The following FAM184A variants were observed in gnomAD, a reference collection of about 807,000 sequenced individuals.
FAM184A encodes the protein protein FAM184A.
In FAM184A, 99 loss-of-function variants were observed where a neutral mutation model predicts 143.8. The ratio of observed to expected loss-of-function variants is 0.69; its 90% CI spans 0.58 to 0.81. The LOEUF is 0.81. Among genes scored for constraint, FAM184A ranks in the 40% least tolerant of loss-of-function variants. The probability of loss-of-function intolerance (pLI) is 0.00; values close to 1 mark genes in which losing one functional copy is unlikely to be tolerated. For missense variants in FAM184A, 1,217 were observed against 1,310.5 expected, an observed-to-expected ratio of 0.93 and a Z score of 1.10; for synonymous variants, 427 against 446.4, an observed-to-expected ratio of 0.96 and a Z score of 0.55.
At chr6:119,013,289 G>C (rs1228581320) in intron 5 of FAM184A, among the ~76,000 whole-genome samples, 1 of 151,948 alleles carries the variant, frequency 6.6e-6, no homozygotes, top group Non-Finnish European at 1.5e-5. Context: ...ATAATGAGGA[G>C]TAAAGTAATG....
chr6:118,991,837 T>A (rs1315134087), intron 9 of FAM184A, among the ~76,000 whole-genome samples: 1 of 141,876 alleles, frequency 7.0e-6, no homozygotes, highest in South Asian at 2.4e-4. Context: ...ATCTCGGCTC[T>A]CTGCAAGCTC....
At chr6:119,080,465 G>A (rs1169839637), upstream of FAM184A, among the ~76,000 whole-genome samples, 1 of 152,072 alleles carries the variant, frequency 6.6e-6, no homozygotes, top group East Asian at 1.9e-4. Flanking sequence ...GACATCCACT[G>A]TCACTTCATG....
At chr6:119,019,050 C>T (rs1406473316) in intron 4 of FAM184A, among the ~76,000 whole-genome samples, 1 of 151,970 alleles carries the variant, frequency 6.6e-6, no homozygotes, top group East Asian at 1.9e-4. Flanking sequence ...AAATGTCTGG[C>T]CTGGACCTAA....
chr6:119,106,774 A>G (rs1788797032), intron 1 of FAM184A, among the ~76,000 whole-genome samples: 1 of 152,230 alleles, frequency 6.6e-6, no homozygotes, highest in Non-Finnish European at 1.5e-5. Flanking sequence ...AACAAAGTAA[A>G]GTAATAAGGC....
intron 1 of FAM184A, among the ~76,000 whole-genome samples, chr6:119,146,459 C>T (rs1379558893): frequency 6.7e-6 from 1 of 150,350 alleles, no homozygotes; most frequent in East Asian, 2.0e-4. Flanking sequence ...GAGACAGAGG[C>T]TCGCTATGTT....
At chr6:119,015,258 G>A (rs115694956) in intron 5 of FAM184A, among the ~76,000 whole-genome samples, 3,325 of 152,204 alleles carry the variant, frequency 0.022, 45 homozygotes, top group Non-Finnish European at 0.033. Flanking sequence ...CCGCTGCACT[G>A]CGGGAGCCCC....
chr6:118,975,097 C>T lies in FAM184A; in HGVS notation c.2695G>A (p.Ala899Thr), dbSNP rs1340221080. Residue 899 changes from alanine (A) to threonine (T), a missense_variant, in exon 13 of 18, where the codon GCC becomes ACC. By Grantham distance (58) the Ala-to-Thr change is moderately conservative. Coordinates refer to ENST00000338891, the MANE Select transcript of FAM184A (RefSeq NM_024581.6). Reference protein sequence around the residue: ...EVQHLHENISALTKELEFKGK... With the variant: ...EVQHLHENISTLTKELEFKGK... ...TTAAATTCCAGTTCTTTGGTTAGGG[C>T]ACTTATATTCTCATGAAGGTGCTGA... The T allele has an allele frequency of 1.9e-6, 3 of 1,613,138 alleles. No individual in the cohort carries two copies. In the South Asian group the frequency reaches 3.3e-5, roughly 18 times the overall value.
Position 118,975,183 on chromosome 6 carries a change from G to T in FAM184A, c.2609C>A (p.Thr870Lys). The T allele has an allele frequency of 6.2e-7, 1 of 1,601,610 alleles. No homozygotes were observed. Among genetic ancestry groups the T allele is most frequent in the Non-Finnish European group, 8.5e-7 (1 of 1,173,672 alleles). ...RQSKEHICRITDLQEELRHRE... is the reference protein window; with the variant it reads ...RQSKEHICRIKDLQEELRHRE... ...GTGTCTTAATTCCTCTTGTAGATCT[G>T]TAATTCTACATATGTGCTCCTTACT... Residue 870 changes from threonine to lysine, a missense_variant, in exon 13 of 18, where the codon ACA (threonine) becomes AAA (lysine). By Grantham distance (78) the Thr-to-Lys change is moderately conservative. Coordinates refer to ENST00000338891, the MANE Select transcript of FAM184A (RefSeq NM_024581.6).
intron 5 of FAM184A, among the ~76,000 whole-genome samples, chr6:119,015,949 G>C (rs1479142602): frequency 6.6e-6 from 1 of 151,546 alleles, no homozygotes; most frequent in African/African-American, 2.4e-5. Context: ...GTCTAGCTCA[G>C]GGATTGTAAA....
intron 4 of FAM184A, among the ~76,000 whole-genome samples, chr6:119,019,632 C>T (rs1176669824): frequency 6.6e-6 from 1 of 152,090 alleles, no homozygotes; most frequent in East Asian, 1.9e-4. Flanking sequence ...ACAGAAATTT[C>T]CTACATGGAT....
intron 1 of FAM184A, among the ~76,000 whole-genome samples, chr6:119,106,533 G>A (rs1788787896): frequency 6.6e-6 from 1 of 152,200 alleles, no homozygotes; most frequent in Non-Finnish European, 1.5e-5. Context: ...TGAAAAGTAA[G>A]CCAACTACTG....
chr6:119,027,448 G>T (rs1322897234), intron 1 of FAM184A, among the ~76,000 whole-genome samples: 1 of 152,078 alleles, frequency 6.6e-6, no homozygotes, highest in Non-Finnish European at 1.5e-5. Flanking sequence ...GAGCTCCTAA[G>T]ACTTTTGTAA....
At chr6:119,117,446 G>A (rs891324259) in intron 1 of FAM184A, among the ~76,000 whole-genome samples, 9 of 152,204 alleles carry the variant, frequency 5.9e-5, no homozygotes, top group African/African-American at 1.9e-4. Context: ...AGGCCATACT[G>A]CCACACAATA....
intron 1 of FAM184A, among the ~76,000 whole-genome samples, chr6:119,034,566 G>GT (rs71556823): frequency 0.099 from 8,747 of 88,276 alleles, 281 homozygotes; most frequent in African/African-American, 0.12. Flanking sequence ...TTAATATATA[G>GT]TTTTTTTTTT....
rs369615916 is a variant in FAM184A, at chr6:119,006,580, T to G, written c.1682A>C (p.Lys561Thr). ...EIGHLQDMVR[K>T]SEQGLGSAEG... Reference sequence around the variant, plus strand: ...TGCAGAGCCAAGACCTTGTTCACTTTTCCTTACCATATCTTGGAGGTGGCC... The same window carrying G: ...TGCAGAGCCAAGACCTTGTTCACTTGTCCTTACCATATCTTGGAGGTGGCC... Residue 561 changes from lysine (K) to threonine (T), a missense_variant, in exon 7 of 18, where the codon AAA becomes ACA. Transcript: ENST00000338891. 7 of 1,613,192 alleles carry G rather than the reference T, an allele frequency of 4.3e-6. No individual in the cohort carries two copies. The Admixed American group carries it at 8.3e-5, about 19-fold the overall frequency.
chr6:119,090,766 C>T (rs539465363), intron 1 of FAM184A, among the ~76,000 whole-genome samples: 157 of 152,298 alleles, frequency 1.0e-3, no homozygotes, highest in African/African-American at 3.7e-3. Context: ...CCTTGGTGAG[C>T]ACTTCAGCTA....
At chr6:119,131,289 T>C (rs1199888922) in intron 1 of FAM184A, among the ~76,000 whole-genome samples, 1 of 152,200 alleles carries the variant, frequency 6.6e-6, no homozygotes, top group East Asian at 1.9e-4. Context: ...TAAAATATTC[T>C]TCTGGATTAA....
At chr6:118,979,992 G>A (rs962489508) in intron 10 of FAM184A, 146 bp downstream of exon 10, 1 of 636,022 alleles carries the variant, frequency 1.6e-6, no homozygotes, top group African/African-American at 1.8e-5. Context: ...AGACTGCAGT[G>A]AGCCATGATT....
chr6:119,145,757 C>T (rs1772405083), intron 1 of FAM184A, among the ~76,000 whole-genome samples: 2 of 152,344 alleles, frequency 1.3e-5, no homozygotes, highest in South Asian at 2.1e-4. Context: ...TAATAGTAAT[C>T]ATACTGATAA....
Sources: gnomAD v4.1 joint callset for allele counts (sites outside exome capture counted in the v4.1 genomes callset) on GRCh38, gnomAD v4.1.1 for gene constraint, MANE v1.5 for transcripts, NCBI Gene and HGNC (gene_info 2026-07-23, HGNC 2026-07-21) for gene names.